Variants in HTRA2 observed in about 807,000 individuals in gnomAD.
HTRA2 encodes the protein serine protease HTRA2, mitochondrial.
Under a neutral mutation model 42.2 loss-of-function variants are expected in HTRA2, and 24 were observed. The ratio of observed to expected loss-of-function variants is 0.57; its 90% CI spans 0.41 to 0.80. The LOEUF (loss-of-function observed/expected upper bound fraction) is 0.80, where lower values mean the gene tolerates loss of function less well. Ranked by LOEUF, HTRA2 falls within the 30% of genes least tolerant of loss-of-function variation. The probability of loss-of-function intolerance (pLI) is 0.00; values close to 1 mark genes in which losing one functional copy is unlikely to be tolerated. For missense variants in HTRA2, 466 were observed against 613.5 expected (o/e 0.76, Z 2.54); for synonymous variants, 245 against 255.8 (o/e 0.96, Z 0.40).
chr2:74,530,232 A>G lies in HTRA2; in HGVS notation c.226A>G (p.Thr76Ala). 6.2e-7 allele frequency: 1 copy of G among 1,609,726 alleles called. No individual in the cohort carries two copies. The highest frequency in any genetic ancestry group is 1.3e-5 in the African/African-American group (1 of 74,818). The change falls in exon 1 of 8, where the codon ACC becomes GCC. Residue 76 changes from threonine to alanine, a missense_variant. By Grantham distance (58) the Thr-to-Ala change is moderately conservative. This residue lies in a region of HTRA2 where 222 missense variants were observed against 205.1 expected (regional missense o/e 1.08). Coordinates refer to ENST00000258080, the MANE Select transcript of HTRA2 (RefSeq NM_013247.5). The surrounding 1 kb of genome is among the most constrained non-coding windows in gnomAD (Gnocchi z 7.4). Reference sequence around the variant, plus strand: ...ACCCCGAGCATGCCTGACGTCTGGGACCCCGGGTCCCCGGGCACAACTGAC... The same window carrying G: ...ACCCCGAGCATGCCTGACGTCTGGGGCCCCGGGTCCCCGGGCACAACTGAC... Reference protein sequence around the residue: ...TEPRACLTSGTPGPRAQLTAV... With the variant: ...TEPRACLTSGAPGPRAQLTAV...
In HTRA2 at chr2:74,530,201, C is replaced by T. The variant is rs375426838; in HGVS notation, c.195C>T (p.Val65=). Residue 65 remains valine, a synonymous_variant, in exon 1 of 8, where the codon GTC becomes GTT. Transcript: ENST00000258080. This position sits in a 1 kb window ranked among gnomAD's most constrained non-coding sequence, Gnocchi z 7.4. ...PSLWARLSVG[V]TEPRACLTSG... ...TCTGGGCCCGGTTGTCTGTTGGGGTCACTGAACCCCGAGCATGCCTGACGT... is the reference window on the plus strand; with the variant it reads ...TCTGGGCCCGGTTGTCTGTTGGGGTTACTGAACCCCGAGCATGCCTGACGT... 5.4e-5 allele frequency: 87 copies of T among 1,611,028 alleles called. No individual in the cohort carries two copies. Among genetic ancestry groups the T allele is most frequent in the Non-Finnish European group, 6.7e-5 (79 of 1,178,974 alleles).
upstream of HTRA2, chr2:74,529,451 T>A: frequency 6.4e-7 from 1 of 1,567,850 alleles, no homozygotes. Flanking sequence ...AGAACCCGAC[T>A]GGCGCGTAGA....
In HTRA2 at chr2:74,532,939, G is replaced by A; in HGVS notation, c.1331G>A (p.Gly444Glu). 1.2e-6 allele frequency: 2 copies of A among 1,613,910 alleles called. No homozygotes were observed. The highest frequency in any genetic ancestry group is 1.7e-6 in the Non-Finnish European group (2 of 1,179,980). The change falls in exon 8 of 8, where the codon GGA becomes GAA. Residue 444 changes from glycine (G) to glutamate (E), a missense_variant. Gly to Glu is a moderately conservative substitution (Grantham distance 98). Transcript: ENST00000258080. ...QSQLAVQIRR[G>E]RETLTLYVTP... ...CAGTTGGCAGTGCAGATCCGGCGGG[G>A]ACGAGAAACACTGACCTTATATGTG... is the stretch of plus-strand genomic sequence containing the variant.
Position 74,530,375 on chromosome 2 carries a change from C to G in HTRA2, c.369C>G (p.Gly123=). 1 of 1,588,310 alleles carries G rather than the reference C, an allele frequency of 6.3e-7. No individual in the cohort carries two copies. Among genetic ancestry groups the G allele is most frequent in the Non-Finnish European group, 8.6e-7 (1 of 1,168,832 alleles). The change falls in exon 1 of 8, where the codon GGC becomes GGG. Residue 123 remains glycine, a synonymous_variant. Coordinates refer to ENST00000258080, the MANE Select transcript of HTRA2 (RefSeq NM_013247.5). This position sits in a 1 kb window ranked among gnomAD's most constrained non-coding sequence, Gnocchi z 7.4. ...AGGAVLLLLW[G]GGRGPPAVLA... ...GGGCAGTGCTGTTGTTGTTGTGGGG[C>G]GGGGGTCGGGGTCCTCCGGCCGTCC... is the stretch of plus-strand genomic sequence containing the variant.
Position 74,531,116 on chromosome 2 carries a change from A to G in HTRA2, c.906+11A>G. 2 of 1,613,774 alleles carry G rather than the reference A, an allele frequency of 1.2e-6. No individual in the cohort carries two copies. The highest frequency in any genetic ancestry group is 1.7e-6 in the Non-Finnish European group (2 of 1,179,768). On this transcript the variant is annotated intron_variant, in intron 3 of 7. Transcript: ENST00000258080. ...GATGCAGCTATTGATGTGCGTCCTG[A>G]TAGGAGAGAAATGACAAATGATGGG...
In HTRA2 at chr2:74,533,030, G is replaced by T. The variant is rs1675739627; in HGVS notation, c.*45G>T. On this transcript the variant is annotated 3_prime_UTR_variant, in exon 8 of 8. Transcript: ENST00000258080. ...AGGCTCCTGCTCTGATTTCCTCCTTGCCTTTCTGGCTGAGGTTCTGAGGGC... is the reference window on the plus strand; with the variant it reads ...AGGCTCCTGCTCTGATTTCCTCCTTTCCTTTCTGGCTGAGGTTCTGAGGGC... The T allele has an allele frequency of 6.3e-7, 1 of 1,598,274 alleles. No homozygotes were observed. Among genetic ancestry groups the T allele is most frequent in the South Asian group, 1.1e-5 (1 of 90,634 alleles).
At position 74,530,350 on chromosome 2, in the gene HTRA2, G is replaced by A; in HGVS notation, c.344G>A (p.Gly115Glu). The change falls in exon 1 of 8, where the codon GGG becomes GAG. Residue 115 changes from glycine to glutamate, a missense_variant. Gly to Glu is a moderately conservative substitution (Grantham distance 98, BLOSUM62 -2). Coordinates refer to ENST00000258080, the MANE Select transcript of HTRA2 (RefSeq NM_013247.5). The surrounding 1 kb of genome is among the most constrained non-coding windows in gnomAD (Gnocchi z 7.4). ...CTGGCGGTGGCGCTGGGCGCTGGGG[G>A]GGCAGTGCTGTTGTTGTTGTGGGGC... ...AWLAVALGAG[G>E]AVLLLLWGGG... 2.5e-6 allele frequency: 4 copies of A among 1,592,924 alleles called. No individual in the cohort carries two copies. Among genetic ancestry groups the A allele is most frequent in the Non-Finnish European group, 3.4e-6 (4 of 1,168,754 alleles).
chr2:74,531,953 A>G (rs1225660565), intron 6 of HTRA2, 28 bp downstream of exon 6: 11 of 1,607,214 alleles, frequency 6.8e-6, no homozygotes, highest in Non-Finnish European at 7.7e-6. Context: ...AGTGACATGT[A>G]ATGTGACCAG....
At chr2:74,531,541 GC>G (rs1012007138) in intron 4 of HTRA2, 55 bp from the exon 5 acceptor site, 1 of 1,612,966 alleles carries the variant, frequency 6.2e-7, no homozygotes, top group South Asian at 1.1e-5. Flanking sequence ...TTGTTCGGGT[GC>G]CCCCATCCCC....
At position 74,529,955 on chromosome 2, in the gene HTRA2, C is replaced by G; in HGVS notation, c.-52C>G. 6.7e-7 allele frequency: 1 copy of G among 1,499,236 alleles called. No individual in the cohort carries two copies. The highest frequency in any genetic ancestry group is 1.3e-5 in the South Asian group (1 of 74,896). 92.9% of individuals were successfully genotyped at this position (1,499,236 alleles called of 1,614,324 possible). On this transcript the variant is annotated 5_prime_UTR_variant, in exon 1 of 8. Coordinates refer to ENST00000258080, the MANE Select transcript of HTRA2 (RefSeq NM_013247.5). ...GTCCTACTGTCCGCCTGCTCGCGTC[C>G]TGGGTGCCGCCTCTGAGTAGGGCGG...
upstream of HTRA2, chr2:74,529,594 G>C (rs1675418261): frequency 6.4e-7 from 1 of 1,568,382 alleles, no homozygotes; most frequent in East Asian, 2.3e-5. Flanking sequence ...GCGAGTCAAA[G>C]AGCCGCTCCG....
upstream of HTRA2, chr2:74,529,474 G>A (rs1432476768): frequency 6.4e-7 from 1 of 1,556,086 alleles, no homozygotes; most frequent in Non-Finnish European, 8.7e-7. Flanking sequence ...AGCAGCACGA[G>A]CAGTAGGAAG....
At chr2:74,531,166 C>G (rs1456013923) in intron 3 of HTRA2, 61 bp downstream of exon 3, 1 of 1,581,480 alleles carries the variant, frequency 6.3e-7, no homozygotes, top group Admixed American at 1.7e-5. Flanking sequence ...CTGTGTGGTA[C>G]AAGCACCAAC....
upstream of HTRA2, chr2:74,529,616 G>A (rs1250939807): frequency 3.8e-6 from 6 of 1,568,798 alleles, no homozygotes; most frequent in African/African-American, 8.1e-5. Context: ...CCCCGGCCCT[G>A]AGGGAAGCTC....
intron 6 of HTRA2, 56 bp downstream of exon 6, chr2:74,531,981 AC>A: frequency 6.8e-7 from 1 of 1,468,464 alleles, no homozygotes; most frequent in Non-Finnish European, 9.5e-7. Context: ...AGAGGGGGGC[AC>A]CTCTATTGAG....
At chr2:74,532,082 C>T (rs1441972835) in intron 6 of HTRA2, among the ~76,000 whole-genome samples, 157 bp downstream of exon 6, 1 of 152,214 alleles carries the variant, frequency 6.6e-6, no homozygotes, top group Non-Finnish European at 1.5e-5. Context: ...TCTTGACTTT[C>T]TTATCCCACT....
At chr2:74,531,979 G>A (rs1199457184) in intron 6 of HTRA2, 54 bp downstream of exon 6, 4 of 1,486,846 alleles carry the variant, frequency 2.7e-6, no homozygotes, top group Middle Eastern at 1.7e-4. Context: ...TCAGAGGGGG[G>A]CACCTCTATT....
In HTRA2 at chr2:74,530,602, T is replaced by C. The variant is rs778603290; in HGVS notation, c.507-15T>C. On this transcript the variant is annotated splice_polypyrimidine_tract_variant and intron_variant, in intron 1 of 7. Transcript: ENST00000258080. This position sits in a 1 kb window ranked among gnomAD's most constrained non-coding sequence, Gnocchi z 7.4. ...GTCAGAGCCTCCTCTTATCTGTGCT[T>C]TCCCTCCATTTCAGGCACCCTTTCT... 6 of 1,613,832 alleles carry C rather than the reference T, an allele frequency of 3.7e-6. No homozygotes were observed. Among genetic ancestry groups the C allele is most frequent in the East Asian group, 4.5e-5 (2 of 44,890 alleles).
intron 3 of HTRA2, 33 bp from the exon 4 acceptor site, chr2:74,531,305 CA>C: frequency 6.2e-7 from 1 of 1,612,476 alleles, no homozygotes; most frequent in East Asian, 2.2e-5. Context: ...TTAGAATCCC[CA>C]GATCTCTTTC....
Sources: allele counts gnomAD v4.1 joint callset (sites outside exome capture counted in the v4.1 genomes callset), GRCh38; gene constraint gnomAD v4.1.1; regional missense constraint gnomAD v4.1.1; non-coding constraint Gnocchi (gnomAD v3.1); transcripts MANE v1.5; gene names NCBI Gene and HGNC (gene_info 2026-07-23, HGNC 2026-07-21).